Variants in SPRED1 observed in about 807,000 individuals in gnomAD.
The protein encoded by SPRED1 is sprouty related EVH1 domain containing 1.
A neutral mutation model predicts 52.3 loss-of-function variants in SPRED1; 18 were observed. The ratio of observed to expected loss-of-function variants is 0.34; its 90% CI spans 0.24 to 0.51. SPRED1 has a LOEUF of 0.51. Ranked by LOEUF, SPRED1 falls within the 20% of genes least tolerant of loss-of-function variation. The pLI is 0.97. For synonymous variants in SPRED1, 155 were observed against 179.7 expected, an observed-to-expected ratio of 0.86 and a Z score of 1.10; for missense variants, 485 against 551.0, an observed-to-expected ratio of 0.88 and a Z score of 1.20.
intron 1 of SPRED1, among the ~76,000 whole-genome samples, chr15:38,287,555 C>T (rs1404890135): frequency 6.6e-6 from 1 of 152,120 alleles, no homozygotes; most frequent in East Asian, 1.9e-4. Context: ...ATCATTTTCT[C>T]TAATGCTCTT....
At chr15:38,265,714 G>T (rs1430924888) in intron 1 of SPRED1, among the ~76,000 whole-genome samples, 1 of 151,812 alleles carries the variant, frequency 6.6e-6, no homozygotes, top group Non-Finnish European at 1.5e-5. Flanking sequence ...AGCACAGTTT[G>T]GAAGTCTAAG....
chr15:38,331,895 G>A (rs1276409383), intron 4 of SPRED1, among the ~76,000 whole-genome samples: 1 of 152,000 alleles, frequency 6.6e-6, no homozygotes, highest in Admixed American at 6.6e-5. Flanking sequence ...AATAATACAA[G>A]TACACCAAGA....
At chr15:38,270,684 A>C (rs182309701) in intron 1 of SPRED1, among the ~76,000 whole-genome samples, 278 of 152,286 alleles carry the variant, frequency 1.8e-3, no homozygotes, top group African/African-American at 6.4e-3. Flanking sequence ...CTTTCAACAC[A>C]TGGGGATTAC....
chr15:38,297,052 C>T (rs1033654014), intron 1 of SPRED1, among the ~76,000 whole-genome samples: 3 of 152,118 alleles, frequency 2.0e-5, no homozygotes, highest in African/African-American at 7.2e-5. Flanking sequence ...GGCCTCTTTC[C>T]AGACAATGAA....
At chr15:38,294,412 C>A (rs1258874812) in intron 1 of SPRED1, among the ~76,000 whole-genome samples, 1 of 151,942 alleles carries the variant, frequency 6.6e-6, no homozygotes, top group East Asian at 1.9e-4. Context: ...ATCTTTTTCT[C>A]CTGTATATAT....
At chr15:38,267,461 A>G (rs1894333400) in intron 1 of SPRED1, among the ~76,000 whole-genome samples, 1 of 152,182 alleles carries the variant, frequency 6.6e-6, no homozygotes, top group South Asian at 2.1e-4. Flanking sequence ...TAAAATTCTT[A>G]ATATGAACTG....
chr15:38,268,056 A>G (rs1307549570), intron 1 of SPRED1: 2 of 152,224 alleles, frequency 1.3e-5, no homozygotes, highest in Admixed American at 6.5e-5. Context: ...CTGGATTTAC[A>G]AATAATTATA....
intron 1 of SPRED1, among the ~76,000 whole-genome samples, chr15:38,255,116 A>G (rs1194590711): frequency 1.3e-5 from 2 of 152,188 alleles, no homozygotes; most frequent in African/African-American, 2.4e-5. Context: ...ATTTTTTTAA[A>G]TACTTGCCAT....
intron 2 of SPRED1, among the ~76,000 whole-genome samples, chr15:38,318,791 T>C (rs1786616342): frequency 6.6e-6 from 1 of 152,196 alleles, no homozygotes; most frequent in Admixed American, 6.5e-5. Flanking sequence ...CTGTTTAGTA[T>C]CCCATGGTAT....
At chr15:38,301,689 G>C (rs1219213800) in intron 2 of SPRED1, among the ~76,000 whole-genome samples, 1 of 152,088 alleles carries the variant, frequency 6.6e-6, no homozygotes, top group African/African-American at 2.4e-5. Context: ...ACCCTCTGCT[G>C]GGTAATACAC....
intron 4 of SPRED1, among the ~76,000 whole-genome samples, chr15:38,334,495 G>A (rs1220569103): frequency 6.6e-6 from 1 of 151,924 alleles, no homozygotes; most frequent in Non-Finnish European, 1.5e-5. Context: ...TGAATCCCCT[G>A]GTTCTAGCCT....
At chr15:38,336,434 AT>A (rs1895921205) in intron 4 of SPRED1, among the ~76,000 whole-genome samples, 1 of 37,686 alleles carries the variant, frequency 2.7e-5, no homozygotes, top group African/African-American at 5.3e-5. Context: ...ATATATATAT[AT>A]AATATTATAT....
chr15:38,270,682 A>C (rs190139764), intron 1 of SPRED1, among the ~76,000 whole-genome samples: 278 of 152,290 alleles, frequency 1.8e-3, no homozygotes, highest in African/African-American at 6.4e-3. Context: ...CTCTTTCAAC[A>C]CATGGGGATT....
intron 5 of SPRED1, among the ~76,000 whole-genome samples, chr15:38,348,361 G>T (rs1441877133): frequency 6.6e-6 from 1 of 151,476 alleles, no homozygotes; most frequent in Non-Finnish European, 1.5e-5. Flanking sequence ...CCTCCATATT[G>T]TATCATTAAA....
intron 1 of SPRED1, among the ~76,000 whole-genome samples, chr15:38,267,271 A>G (rs1365331298): frequency 6.6e-6 from 1 of 152,198 alleles, no homozygotes; most frequent in Admixed American, 6.5e-5. Context: ...TGTTTTACCA[A>G]AAGTTTACCT....
chr15:38,299,062 C>T (rs1895097991), intron 1 of SPRED1, among the ~76,000 whole-genome samples: 1 of 152,140 alleles, frequency 6.6e-6, no homozygotes, highest in Non-Finnish European at 1.5e-5. Context: ...CAGTATTTGC[C>T]TCTGGGATCC....
chr15:38,315,970 C>T (rs1895471054), intron 2 of SPRED1, among the ~76,000 whole-genome samples: 1 of 151,900 alleles, frequency 6.6e-6, no homozygotes, highest in Non-Finnish European at 1.5e-5. Context: ...TGGATGGGAC[C>T]CAGCAGGTCT....
chr15:38,261,835 G>A (rs1376883254), intron 1 of SPRED1, among the ~76,000 whole-genome samples: 1 of 152,202 alleles, frequency 6.6e-6, no homozygotes, highest in Non-Finnish European at 1.5e-5. Context: ...CACAAATACA[G>A]TGTTTTTTAA....
At chr15:38,302,185 G>A (rs987471010) in intron 2 of SPRED1, among the ~76,000 whole-genome samples, 4 of 152,104 alleles carry the variant, frequency 2.6e-5, no homozygotes, top group South Asian at 2.1e-4. Context: ...ATGACCACTC[G>A]TGTGGCTAAT....
Sources: gnomAD v4.1 joint callset for allele counts (sites outside exome capture counted in the v4.1 genomes callset) on GRCh38, gnomAD v4.1.1 for gene constraint, MANE v1.5 for transcripts, NCBI Gene and HGNC (gene_info 2026-07-23, HGNC 2026-07-21) for gene names.